Variants in NDUFA6 observed in about 807,000 individuals in gnomAD.
NDUFA6 encodes NADH dehydrogenase [ubiquinone] 1 alpha subcomplex subunit 6.
NDUFA6 carries 10 observed loss-of-function variants against 12.5 expected under a neutral mutation model. That is an observed-to-expected ratio of 0.80 (90% CI 0.49 to 1.35). NDUFA6 has a LOEUF of 1.35. Among genes scored for constraint, NDUFA6 ranks in the 40% most tolerant of loss-of-function variants. The pLI is 0.00. For missense variants in NDUFA6, 177 were observed against 173.5 expected, an observed-to-expected ratio of 1.02 and a Z score of -0.11; for synonymous variants, 66 against 63.0, an observed-to-expected ratio of 1.05 and a Z score of -0.23.
At chr22:42,088,999 T>C (rs1205153013) in intron 1 of NDUFA6, among the ~76,000 whole-genome samples, 2 of 152,036 alleles carry the variant, frequency 1.3e-5, no homozygotes, top group African/African-American at 4.8e-5. Context: ...CCTCTTCCCT[T>C]GCTTTCTAGG....
At chr22:42,086,419 A>G (rs1252190944) in intron 2 of NDUFA6, 105 bp from the exon 3 acceptor site, 2 of 1,480,778 alleles carry the variant, frequency 1.4e-6, no homozygotes, top group African/African-American at 2.8e-5. Context: ...TTGTTGAATG[A>G]CCTTGGGCAA....
intron 1 of NDUFA6, chr22:42,087,468 G>A (rs953713873): frequency 1.2e-5 from 5 of 424,010 alleles, no homozygotes; most frequent in South Asian, 2.3e-5. Context: ...ATATGATCCC[G>A]TGTAAGTTAA....
At chr22:42,090,144 A>G in intron 1 of NDUFA6, 1 of 230,094 alleles carries the variant, frequency 4.3e-6, no homozygotes, top group Non-Finnish European at 8.9e-6. Context: ...CCGAGATCGC[A>G]CCACTGCACT....
At chr22:42,087,033 T>C (rs368816795) in intron 2 of NDUFA6, 27 bp downstream of exon 2, 113 of 1,502,034 alleles carry the variant, frequency 7.5e-5, no homozygotes, top group Non-Finnish European at 1.0e-4. Flanking sequence ...GGCTGATCTT[T>C]TAAATTGGTC....
In NDUFA6 at chr22:42,086,183, T is replaced by G. The variant is rs552658891; in HGVS notation, c.387A>C (p.Ter129CysextTer13). Residue 129 changes from the stop codon to cysteine, a stop_lost, in exon 3 of 3, where the codon TGA (stop) becomes TGC (cysteine). Transcript: ENST00000498737. The stretch of plus-strand genomic sequence containing the variant: ...ACGTGCATCTTTCCACTGAATGACT[T>G]CATGGATCGTGGCCAACATAGAACT... ...LSKFYVGHDP[*>C] is the part of the protein sequence containing the mutation. 36 of 1,614,254 alleles carry G rather than the reference T, an allele frequency of 2.2e-5. No homozygotes were observed. In the African/African-American group the frequency reaches 4.5e-4, roughly 20 times the overall value.
chr22:42,089,351 C>CAT (rs1372349165), intron 1 of NDUFA6, among the ~76,000 whole-genome samples: 1 of 151,832 alleles, frequency 6.6e-6, no homozygotes, highest in Non-Finnish European at 1.5e-5. Context: ...CACACACACA[C>CAT]ACACTGCTAC....
chr22:42,087,188 A>G lies in NDUFA6; in HGVS notation c.140-13T>C. On this transcript the variant is annotated splice_polypyrimidine_tract_variant and intron_variant, in intron 1 of 2. Coordinates refer to ENST00000498737, the MANE Select transcript of NDUFA6 (RefSeq NM_002490.6). ...TGGAATTGGTGCACTAGAGAGAAAA[A>G]CATGACTCAGGGTAGAAATTGTATG... 6.4e-7 allele frequency: 1 copy of G among 1,569,080 alleles called. No homozygotes were observed. Among genetic ancestry groups the G allele is most frequent in the Non-Finnish European group, 8.8e-7 (1 of 1,138,926 alleles).
chr22:42,089,356 T>A (rs1479072063), intron 1 of NDUFA6, among the ~76,000 whole-genome samples: 4 of 105,372 alleles, frequency 3.8e-5, no homozygotes, highest in African/African-American at 1.1e-4. Context: ...ACACACACAC[T>A]GCTACAGTCA....
chr22:42,086,057 G>T lies in NDUFA6; in HGVS notation c.*126C>A. 1 of 1,316,950 alleles carries T rather than the reference G, an allele frequency of 7.6e-7. No homozygotes were observed. Among genetic ancestry groups the T allele is most frequent in the Non-Finnish European group, 1.1e-6 (1 of 916,188 alleles). The allele number at this position is 1,316,950 out of a possible 1,614,324, so 81.6% of individuals were successfully genotyped here. Reference sequence around the variant, plus strand: ...TGATGTGTATACCAAGGTCCCACTTGCTCAGGCAAAAAGAGGCTGCAGAAA... The same window carrying T: ...TGATGTGTATACCAAGGTCCCACTTTCTCAGGCAAAAAGAGGCTGCAGAAA... On this transcript the variant is annotated 3_prime_UTR_variant, in exon 3 of 3. Coordinates refer to ENST00000498737, the MANE Select transcript of NDUFA6 (RefSeq NM_002490.6).
chr22:42,088,407 C>T (rs1330652059), intron 1 of NDUFA6, among the ~76,000 whole-genome samples: 1 of 150,072 alleles, frequency 6.7e-6, no homozygotes, highest in East Asian at 2.0e-4. Context: ...GAGCGAGACT[C>T]CGTCTCAAAA....
chr22:42,090,696 C>T lies in NDUFA6; in HGVS notation c.49G>A (p.Val17Met), dbSNP rs748241340. 1 of 1,614,190 alleles carries T rather than the reference C, an allele frequency of 6.2e-7. No individual in the cohort carries two copies. Among genetic ancestry groups the T allele is most frequent in the East Asian group, 2.2e-5 (1 of 44,880 alleles). Residue 17 changes from valine (V) to methionine (M), a missense_variant, in exon 1 of 3, where the codon GTG becomes ATG. Val to Met is a conservative substitution (Grantham distance 21). This residue lies in a region of NDUFA6 where 111 missense variants were observed against 87.2 expected (regional missense o/e 1.27). Transcript: ENST00000498737. ...ATGTCCCGACTGAAAATGGGCTTCA[C>T]GAAGGTGCTGGCGGTAGAAGTAGCT... is the stretch of plus-strand genomic sequence containing the variant. ...RQATSTASTF[V>M]KPIFSRDMNE...
Position 42,090,747 on chromosome 22 carries a change from T to C in NDUFA6, c.-3A>G. Reference sequence around the variant, plus strand: ...TGGCGGACGCCGCTCCCCGCCATCTTGCCAAAGCATCCACTCCACAACCCC... The same window carrying C: ...TGGCGGACGCCGCTCCCCGCCATCTCGCCAAAGCATCCACTCCACAACCCC... On this transcript the variant is annotated 5_prime_UTR_variant, in exon 1 of 3. Coordinates refer to ENST00000498737, the MANE Select transcript of NDUFA6 (RefSeq NM_002490.6). 1 of 1,614,188 alleles carries C rather than the reference T, an allele frequency of 6.2e-7. No individual in the cohort carries two copies. The highest frequency in any genetic ancestry group is 8.5e-7 in the Non-Finnish European group (1 of 1,180,036).
chr22:42,089,288 T>C (rs4147640), intron 1 of NDUFA6, among the ~76,000 whole-genome samples: 56,638 of 150,900 alleles, frequency 0.38, 11,189 homozygotes, highest in Middle Eastern at 0.5. Context: ...AGGCAAACAT[T>C]ATGTTTTCAA....
At position 42,090,671 on chromosome 22, in the gene NDUFA6, A is replaced by T. The variant is rs1306885718; in HGVS notation, c.74T>A (p.Met25Lys). The T allele has an allele frequency of 2.5e-6, 4 of 1,614,042 alleles. No homozygotes were observed. The East Asian group carries it at 8.9e-5, about 36-fold the overall frequency. Residue 25 changes from methionine (M) to lysine (K), a missense_variant, in exon 1 of 3, where the codon ATG becomes AAG. Around this residue, in one of 3 missense-constraint regions of NDUFA6, gnomAD observed 111 missense variants for 87.2 expected, o/e 1.27. Transcript: ENST00000498737. ...GCGCACCCTCCGCTTGGCCTCGTTC[A>T]TGTCCCGACTGAAAATGGGCTTCAC... ...TFVKPIFSRD[M>K]NEAKRRVREL...
intron 1 of NDUFA6, among the ~76,000 whole-genome samples, 176 bp downstream of exon 1, chr22:42,090,430 G>A (rs1236732531): frequency 1.3e-5 from 2 of 152,198 alleles, no homozygotes; most frequent in Non-Finnish European, 2.9e-5. Context: ...TCTGACCACC[G>A]CGCCGCCGCC....
rs749871945 is a variant in NDUFA6, at chr22:42,090,700, G to A, written c.45C>T (p.Thr15=). ...GVRQATSTAS[T]FVKPIFSRDM... ...CCCGACTGAAAATGGGCTTCACGAA[G>A]GTGCTGGCGGTAGAAGTAGCTTGGC... is the stretch of plus-strand genomic sequence containing the variant. Residue 15 remains threonine, a synonymous_variant, in exon 1 of 3, where the codon ACC becomes ACT. Transcript: ENST00000498737. 6.2e-7 allele frequency: 1 copy of A among 1,614,044 alleles called. No individual in the cohort carries two copies. The highest frequency in any genetic ancestry group is 1.7e-5 in the Admixed American group (1 of 60,008).
chr22:42,089,833 A>C (rs1457753431), intron 1 of NDUFA6: 1 of 152,316 alleles, frequency 6.6e-6, no homozygotes, highest in African/African-American at 2.4e-5. Context: ...CGTGCTCCTA[A>C]CCACCACATT....
Position 42,085,993 on chromosome 22 carries a change from A to T in NDUFA6, c.*190T>A. On this transcript the variant is annotated 3_prime_UTR_variant, in exon 3 of 3. Transcript: ENST00000498737. ...TGAGAAAAATAATTCAATCCAATTTACAGCAAACACCACATTTCAAGAAAA... is the reference window on the plus strand; with the variant it reads ...TGAGAAAAATAATTCAATCCAATTTTCAGCAAACACCACATTTCAAGAAAA... 1.4e-6 allele frequency: 1 copy of T among 712,890 alleles called. No individual in the cohort carries two copies. The highest frequency in any genetic ancestry group is 2.4e-6 in the Non-Finnish European group (1 of 416,698). The allele number at this position is 712,890 out of a possible 1,614,324, so 44.2% of individuals were successfully genotyped here.
chr22:42,087,325 A>G (rs1249047683), intron 1 of NDUFA6, 150 bp from the exon 2 acceptor site: 2 of 676,626 alleles, frequency 3.0e-6, no homozygotes, highest in Non-Finnish European at 5.4e-6. Context: ...AGGATGAGAC[A>G]TGTGATTCAT....
Sources: gnomAD v4.1 joint callset for allele counts (sites outside exome capture counted in the v4.1 genomes callset) on GRCh38, gnomAD v4.1.1 for gene constraint, gnomAD v4.1.1 regional missense constraint, MANE v1.5 for transcripts, NCBI Gene and HGNC (gene_info 2026-07-23, HGNC 2026-07-21) for gene names.